The following LRRC4C variants were observed in gnomAD, a reference collection of about 807,000 sequenced individuals.
The protein encoded by LRRC4C is leucine rich repeat containing 4C, also known as leucine-rich repeat-containing protein 4C.
A neutral mutation model predicts 33.6 loss-of-function variants in LRRC4C; 5 were observed. The observed-to-expected ratio is 0.15, with a 90% CI of 0.08 to 0.31. The LOEUF is 0.31. LRRC4C is among the 10% of genes least tolerant of loss of function. The pLI, the probability that LRRC4C is intolerant of heterozygous loss-of-function variation, is 1.00. For missense variants in LRRC4C, 560 were observed against 796.7 expected, an observed-to-expected ratio of 0.70 and a Z score of 3.58; for synonymous variants, 329 against 302.0, an observed-to-expected ratio of 1.09 and a Z score of -0.93.
At chr11:40,491,092 G>C (rs906918407) in intron 3 of LRRC4C, among the ~76,000 whole-genome samples, 52 of 152,232 alleles carry the variant, frequency 3.4e-4, no homozygotes, top group African/African-American at 1.2e-3. Context: ...AGACCAGCCT[G>C]ATCAACATAG....
chr11:40,245,771 C>T (rs757385506), intron 4 of LRRC4C, among the ~76,000 whole-genome samples: 2 of 151,886 alleles, frequency 1.3e-5, no homozygotes, highest in Non-Finnish European at 2.9e-5. Context: ...CATAGGATTG[C>T]TTTTAGTATT....
At chr11:40,353,300 A>C (rs748491980) in intron 3 of LRRC4C, among the ~76,000 whole-genome samples, 6 of 151,594 alleles carry the variant, frequency 4.0e-5, no homozygotes, top group Non-Finnish European at 8.8e-5. Flanking sequence ...CTGCTTGTCT[A>C]TTTTTAAATA....
intron 2 of LRRC4C, among the ~76,000 whole-genome samples, chr11:40,726,926 A>G (rs955351434): frequency 6.6e-6 from 1 of 152,196 alleles, no homozygotes; most frequent in South Asian, 2.1e-4. Flanking sequence ...TACAAAATCA[A>G]TAAACAAATA....
At chr11:40,823,135 A>G (rs553037805) in intron 2 of LRRC4C, among the ~76,000 whole-genome samples, 1 of 151,932 alleles carries the variant, frequency 6.6e-6, no homozygotes, top group East Asian at 1.9e-4. Flanking sequence ...ATATCTGCCA[A>G]CAAAGAGCTT....
At chr11:40,636,795 T>C (rs573490954) in intron 3 of LRRC4C, among the ~76,000 whole-genome samples, 43 of 152,194 alleles carry the variant, frequency 2.8e-4, no homozygotes, top group Admixed American at 3.3e-4. Flanking sequence ...TCCACAGTCA[T>C]TTCTGGGAAT....
intron 2 of LRRC4C, among the ~76,000 whole-genome samples, chr11:40,886,517 A>T: frequency 6.6e-6 from 1 of 151,758 alleles, no homozygotes; most frequent in Middle Eastern, 3.2e-3. Flanking sequence ...GTAATTCTCA[A>T]AGCAATAGAG....
chr11:40,909,100 G>C (rs537478529), intron 2 of LRRC4C, among the ~76,000 whole-genome samples: 7 of 152,082 alleles, frequency 4.6e-5, no homozygotes, highest in Non-Finnish European at 8.8e-5. Context: ...TAACATGGAT[G>C]TTACTGTAAC....
chr11:40,342,206 T>C (rs1231669297), intron 3 of LRRC4C, among the ~76,000 whole-genome samples: 2 of 152,154 alleles, frequency 1.3e-5, no homozygotes, highest in Non-Finnish European at 2.9e-5. Flanking sequence ...TGCAGTGGCT[T>C]ATGCCTGTAA....
intron 1 of LRRC4C, among the ~76,000 whole-genome samples, chr11:41,442,392 A>C (rs1359432380): frequency 6.6e-6 from 1 of 151,798 alleles, no homozygotes; most frequent in Admixed American, 6.6e-5. Flanking sequence ...GGCAAATTTC[A>C]ACAAATAGGA....
intron 2 of LRRC4C, among the ~76,000 whole-genome samples, chr11:40,907,560 C>T (rs1956476857): frequency 1.3e-5 from 2 of 152,132 alleles, no homozygotes; most frequent in African/African-American, 4.8e-5. Context: ...ATAAAAACTG[C>T]ATTGTGATTA....
intron 2 of LRRC4C, among the ~76,000 whole-genome samples, chr11:40,733,230 C>T (rs1019760933): frequency 2.0e-5 from 3 of 151,632 alleles, no homozygotes; most frequent in Non-Finnish European, 2.9e-5. Context: ...CGCCTGCCAC[C>T]ACACCCGGCT....
At chr11:40,389,016 AAGG>A (rs1949227917) in intron 3 of LRRC4C, among the ~76,000 whole-genome samples, 1 of 152,178 alleles carries the variant, frequency 6.6e-6, no homozygotes, top group Admixed American at 6.6e-5. Context: ...GGGTATAAAG[AAGG>A]AGAAGAGCTG....
chr11:41,325,960 CAT>C (rs1951105172), intron 1 of LRRC4C, among the ~76,000 whole-genome samples: 1 of 152,096 alleles, frequency 6.6e-6, no homozygotes, highest in African/African-American at 2.4e-5. Flanking sequence ...ACCCCTGTGA[CAT>C]GTGTTTACTT....
chr11:41,154,804 A>G (rs1393875305), intron 1 of LRRC4C, among the ~76,000 whole-genome samples: 1 of 152,172 alleles, frequency 6.6e-6, no homozygotes, highest in Non-Finnish European at 1.5e-5. Context: ...TGTGAAAGGA[A>G]CATTCCACAG....
chr11:40,706,431 C>T (rs1013205147), intron 2 of LRRC4C, among the ~76,000 whole-genome samples: 62 of 152,184 alleles, frequency 4.1e-4, no homozygotes, highest in Middle Eastern at 3.4e-3. Flanking sequence ...TACATATGGC[C>T]AGCCAGTTTT....
chr11:40,158,676 C>T (rs1858912030), intron 5 of LRRC4C, among the ~76,000 whole-genome samples: 1 of 151,818 alleles, frequency 6.6e-6, no homozygotes, highest in South Asian at 2.1e-4. Context: ...ATTTGTACAT[C>T]AGAAAGATTT....
chr11:40,490,212 G>T (rs1190421321), intron 3 of LRRC4C, among the ~76,000 whole-genome samples: 2 of 152,284 alleles, frequency 1.3e-5, no homozygotes, highest in South Asian at 2.1e-4. Context: ...TTTTCACAAA[G>T]TTGTGGATTG....
intron 1 of LRRC4C, among the ~76,000 whole-genome samples, chr11:40,978,591 T>G (rs561881544): frequency 2.2e-4 from 34 of 151,662 alleles, no homozygotes; most frequent in African/African-American, 8.0e-4. Flanking sequence ...AATCCTACTA[T>G]AACTTTGTCT....
At chr11:40,550,161 C>T (rs191807301) in intron 3 of LRRC4C, among the ~76,000 whole-genome samples, 1 of 152,094 alleles carries the variant, frequency 6.6e-6, no homozygotes, top group African/African-American at 2.4e-5. Flanking sequence ...CAAGCATATT[C>T]ACTCTCAATT....
Sources: gnomAD v4.1 joint callset for allele counts (sites outside exome capture counted in the v4.1 genomes callset) on GRCh38, gnomAD v4.1.1 for gene constraint, MANE v1.5 for transcripts, NCBI Gene and HGNC (gene_info 2026-07-23, HGNC 2026-07-21) for gene names.